Variants in ASMTL observed in about 807,000 individuals in gnomAD.
The protein encoded by ASMTL is probable bifunctional dTTP/UTP pyrophosphatase/methyltransferase protein.
ASMTL carries 57 observed loss-of-function variants against 60.3 expected under a neutral mutation model. That is an observed-to-expected ratio of 0.95 (90% confidence interval 0.76 to 1.18). ASMTL has a LOEUF of 1.18. ASMTL is among the 50% of genes most tolerant of loss of function. The probability of loss-of-function intolerance (pLI) is 0.00; values close to 1 mark genes in which losing one functional copy is unlikely to be tolerated. For missense variants in ASMTL, 981 were observed against 852.6 expected (o/e 1.15, Z -1.88); for synonymous variants, 419 against 373.0 (o/e 1.12, Z -1.42).
At chrX:1,431,752 T>C (rs1356315461) in intron 6 of ASMTL, 2 of 151,238 alleles carry the variant, frequency 1.3e-5, no homozygotes, top group Non-Finnish European at 2.9e-5. Context: ...TAATGTATAA[T>C]TATGTAGACA....
At position 1,427,635 on chromosome X, in the gene ASMTL, T is replaced by C. The variant is rs1249938142; in HGVS notation, c.897+99A>G. 5 of 1,336,766 alleles carry C rather than the reference T, an allele frequency of 3.7e-6. No individual in the cohort carries two copies. In the African/African-American group the frequency reaches 7.3e-5, roughly 19 times the overall value. The allele number at this position is 1,336,766 out of a possible 1,614,324, so 82.8% of individuals were successfully genotyped here. A position where few individuals can be genotyped will look rare whatever the true frequency, so the allele number is the denominator to read the frequency against. ...GCCCTGAGACAACCTGACCTCAGAC[T>C]GCCAGCCTCCAGGACAGTGAGAAGT... is the stretch of plus-strand genomic sequence containing the variant. On this transcript the variant is annotated intron_variant, in intron 7 of 12. Transcript: ENST00000381317.
chrX:1,428,646 C>CAAATAAATAAATAAATAAATAAAT (rs1229272093), intron 6 of ASMTL, among the ~76,000 whole-genome samples: 46,594 of 133,780 alleles, frequency 0.35, 9,075 homozygotes, highest in Admixed American at 0.43. Context: ...GACTCCGTCT[C>CAAATAAATAAATAAATAAATAAAT]AAATAAATAA....
At chrX:1,407,632 G>A (rs1305896064) in intron 12 of ASMTL, among the ~76,000 whole-genome samples, 5 of 151,894 alleles carry the variant, frequency 3.3e-5, no homozygotes, top group Admixed American at 2.6e-4. Context: ...ACCTGTAATC[G>A]CAGCACTTTG....
chrX:1,442,016 A>G, intron 2 of ASMTL, 170 bp downstream of exon 2: 1 of 717,318 alleles, frequency 1.4e-6, no homozygotes. Context: ...TAATGGTATT[A>G]TTAGGTTACT....
intron 8 of ASMTL, among the ~76,000 whole-genome samples, chrX:1,423,143 G>A (rs35278390): frequency 0.12 from 17,605 of 152,002 alleles, 1,209 homozygotes; most frequent in Middle Eastern, 0.2. Flanking sequence ...TAGTAGAGAC[G>A]GGGTTTCACC....
chrX:1,452,759 G>T lies in ASMTL; in HGVS notation c.82C>A (p.Leu28Ile). The T allele has an allele frequency of 6.3e-7, 1 of 1,592,814 alleles. No homozygotes were observed. The highest frequency in any genetic ancestry group is 8.5e-7 in the Non-Finnish European group (1 of 1,175,682). Residue 28 changes from leucine to isoleucine, a missense_variant, in exon 1 of 13, where the codon CTC becomes ATC. Coordinates refer to ENST00000381317, the MANE Select transcript of ASMTL (RefSeq NM_004192.4). Reference protein sequence around the residue: ...ASASPRRQEILSNAGLRFEVV... With the variant: ...ASASPRRQEIISNAGLRFEVV... ...GGCCCAGGCCGTACCGCGTTGCTGA[G>T]GATCTCCTGACGGCGTGGGGAGGCG...
intron 12 of ASMTL, among the ~76,000 whole-genome samples, chrX:1,412,207 C>A (rs190407346): frequency 6.6e-6 from 1 of 152,058 alleles, no homozygotes; most frequent in Non-Finnish European, 1.5e-5. Flanking sequence ...TCCAAAGTCA[C>A]ATAAGCCAAT....
chrX:1,424,391 C>CCCTCCCATCCATCTCT (rs1173005801), intron 8 of ASMTL, among the ~76,000 whole-genome samples: 9 of 149,974 alleles, frequency 6.0e-5, no homozygotes, highest in African/African-American at 7.4e-5. Context: ...CATCTGTCCA[C>CCCTCCCATCCATCTCT]CCACCCATCC....
intron 12 of ASMTL, among the ~76,000 whole-genome samples, chrX:1,405,312 G>C (rs56046178): frequency 6.0e-4 from 91 of 151,416 alleles, no homozygotes; most frequent in African/African-American, 2.2e-3. Flanking sequence ...TGGGTGAATA[G>C]ATGGTAGATG....
At position 1,403,494 on chromosome X, in the gene ASMTL, G is replaced by A; in HGVS notation, c.1646-5C>T. 1.2e-6 allele frequency: 2 copies of A among 1,612,410 alleles called. No individual in the cohort carries two copies. Among genetic ancestry groups the A allele is most frequent in the Non-Finnish European group, 1.7e-6 (2 of 1,179,726 alleles). ...CCACCAGCAGCAGGCCGGCCCCTGA[G>A]GGAGACAGCAGAGAGCTGGAGTCCT... On this transcript the variant is annotated splice_region_variant and splice_polypyrimidine_tract_variant and intron_variant, in intron 12 of 12. Transcript: ENST00000381317.
intron 6 of ASMTL, among the ~76,000 whole-genome samples, chrX:1,430,635 G>C (rs1463972044): frequency 6.6e-6 from 1 of 151,712 alleles, no homozygotes; most frequent in African/African-American, 2.4e-5. Flanking sequence ...AGCCAGGCGT[G>C]GTGGTATGCG....
intron 9 of ASMTL, among the ~76,000 whole-genome samples, chrX:1,420,841 T>A (rs1175676535): frequency 5.9e-5 from 9 of 152,316 alleles, no homozygotes; most frequent in African/African-American, 2.2e-4. Flanking sequence ...TCACCCGGGC[T>A]GGAGTGCAGC....
intron 10 of ASMTL, 45 bp downstream of exon 10, chrX:1,418,937 T>C: frequency 1.9e-6 from 3 of 1,604,838 alleles, no homozygotes; most frequent in Non-Finnish European, 2.6e-6. Flanking sequence ...TACCTGTGGC[T>C]TAATAAACGA....
chrX:1,452,017 C>G lies in ASMTL; in HGVS notation c.93+731G>C, dbSNP rs780795131. On this transcript the variant is annotated intron_variant, in intron 1 of 12. Transcript: ENST00000381317. ...AGGGGGTCCCAGGTTACAGGTTACT[C>G]TCTCCAACCCCATCCCTAAGGTGTC... 9.6e-5 allele frequency among the ~76,000 whole-genome samples: 14 copies of G among 145,600 alleles called. No homozygotes were observed. In the East Asian group the frequency reaches 3.0e-3, roughly 31 times the overall value.
intron 12 of ASMTL, among the ~76,000 whole-genome samples, chrX:1,410,443 C>G (rs2089967444): frequency 6.6e-6 from 1 of 151,040 alleles, no homozygotes. Context: ...GAGACGGAGT[C>G]TTGCTGTGTT....
At chrX:1,417,169 G>A (rs1242996213) in intron 11 of ASMTL, among the ~76,000 whole-genome samples, 27 of 147,884 alleles carry the variant, frequency 1.8e-4, no homozygotes, top group Admixed American at 5.4e-4. Flanking sequence ...CACAACCACC[G>A]GCCCACAGCA....
At position 1,420,355 on chromosome X, in the gene ASMTL, CTCTA is replaced by C. The variant is rs769187399; in HGVS notation, c.1246-1245_1246-1242del. ...TCCATCTCTGTCTGTCTCTGTCTCCCTCTATCTTTCTGTCTGCCTATCTCTCTCT... is the reference window on the plus strand; with the variant it reads ...TCCATCTCTGTCTGTCTCTGTCTCCCTCTTTCTGTCTGCCTATCTCTCTCT... On this transcript the variant is annotated intron_variant, in intron 9 of 12. Transcript: ENST00000381317. Among the ~76,000 whole-genome samples the C allele has an allele frequency of 8.6e-5, 13 of 151,736 alleles. No homozygotes were observed. In the East Asian group the frequency reaches 2.3e-3, roughly 27 times the overall value.
chrX:1,414,865 T>G (rs2090174388), intron 11 of ASMTL, among the ~76,000 whole-genome samples: 1 of 151,974 alleles, frequency 6.6e-6, no homozygotes, highest in Non-Finnish European at 1.5e-5. Context: ...GTTGTGGAGG[T>G]CCCCAGCACC....
At chrX:1,450,910 A>C (rs2091355327) in intron 1 of ASMTL, among the ~76,000 whole-genome samples, 1 of 91,094 alleles carries the variant, frequency 1.1e-5, no homozygotes, top group Non-Finnish European at 2.2e-5. Flanking sequence ...GTCCCGGGTC[A>C]CTCTGCCCTC....
Sources: gnomAD v4.1 joint callset for allele counts (sites outside exome capture counted in the v4.1 genomes callset) on GRCh38, gnomAD v4.1.1 for gene constraint, MANE v1.5 for transcripts, NCBI Gene and HGNC (gene_info 2026-07-23, HGNC 2026-07-21) for gene names.